GPATCH8: variants seen among roughly 807,000 people sequenced by gnomAD.
The protein encoded by GPATCH8 is G patch domain-containing protein 8.
GPATCH8 carries 18 observed loss-of-function variants against 118.3 expected under a neutral mutation model. That is an observed-to-expected ratio of 0.15 (90% CI 0.11 to 0.23). The LOEUF (loss-of-function observed/expected upper bound fraction) is 0.23, where lower values mean the gene tolerates loss of function less well. Among genes scored for constraint, GPATCH8 ranks in the 10% least tolerant of loss-of-function variants. GPATCH8 has a pLI of 1.00. For missense variants in GPATCH8, 1,631 were observed against 1,873.8 expected, an observed-to-expected ratio of 0.87 and a Z score of 2.39; for synonymous variants, 659 against 684.7, an observed-to-expected ratio of 0.96 and a Z score of 0.59.
intron 1 of GPATCH8, among the ~76,000 whole-genome samples, chr17:44,500,892 T>C (rs1218704634): frequency 6.6e-6 from 1 of 152,208 alleles, no homozygotes; most frequent in Non-Finnish European, 1.5e-5. Flanking sequence ...AGAATCCTAT[T>C]ACATTACATT....
At chr17:44,402,512 G>A (rs999119931) in intron 7 of GPATCH8, among the ~76,000 whole-genome samples, 2 of 151,780 alleles carry the variant, frequency 1.3e-5, no homozygotes, top group African/African-American at 2.4e-5. Flanking sequence ...GCTGGGTCAG[G>A]GTGGCTCACA....
At chr17:44,484,417 AC>A (rs1291986332) in intron 1 of GPATCH8, among the ~76,000 whole-genome samples, 9 of 152,216 alleles carry the variant, frequency 5.9e-5, no homozygotes, top group Non-Finnish European at 1.2e-4. Context: ...AAAGTAACAG[AC>A]CACCTAATTT....
intron 6 of GPATCH8, chr17:44,407,382 T>C (rs1001002497): frequency 6.6e-6 from 1 of 151,962 alleles, no homozygotes; most frequent in African/African-American, 2.4e-5. Flanking sequence ...TGTAAACTAT[T>C]ATACTGAACA....
At position 44,399,846 on chromosome 17, in the gene GPATCH8, G is replaced by C. The variant is rs2048942485; in HGVS notation, c.2231C>G (p.Pro744Arg). 1 of 1,613,876 alleles carries C rather than the reference G, an allele frequency of 6.2e-7. No individual in the cohort carries two copies. The highest frequency in any genetic ancestry group is 8.5e-7 in the Non-Finnish European group (1 of 1,179,964). The change falls in exon 8 of 8, where the codon CCA becomes CGA. Residue 744 changes from proline (P) to arginine (R), a missense_variant. By Grantham distance (103) the Pro-to-Arg change is moderately radical (BLOSUM62 -2). This residue lies in a region of GPATCH8 where 922 missense variants were observed against 879.7 expected (regional missense o/e 1.05). Transcript: ENST00000591680. ...ATCTTGAGCTCTCCGCCTTCTTCTT[G>C]GTGGTGCGGGACTGCCACTCCCAGG... ...EPPGSGSPAP[P>R]RRRRRAQDDS...
intron 1 of GPATCH8, among the ~76,000 whole-genome samples, chr17:44,499,850 A>T (rs1422832492): frequency 6.6e-6 from 1 of 152,054 alleles, no homozygotes; most frequent in East Asian, 1.9e-4. Context: ...CTCTTAAAAC[A>T]TTTGTAAAAA....
chr17:44,502,665 G>A (rs1970173848), intron 1 of GPATCH8, among the ~76,000 whole-genome samples: 1 of 152,164 alleles, frequency 6.6e-6, no homozygotes, highest in Admixed American at 6.6e-5. Context: ...TTCGAGATAG[G>A]ATTTGAGGTT....
At position 44,396,107 on chromosome 17, in the gene GPATCH8, C is replaced by T. The variant is rs1231336490; in HGVS notation, c.*1461G>A. Reference sequence around the variant, plus strand: ...AAGACTGTCCCAACTCATCCTCCAGCCTACTTCTACTTCCGTTTCTACCAA... The same window carrying T: ...AAGACTGTCCCAACTCATCCTCCAGTCTACTTCTACTTCCGTTTCTACCAA... On this transcript the variant is annotated 3_prime_UTR_variant, in exon 8 of 8. Coordinates refer to ENST00000591680, the MANE Select transcript of GPATCH8 (RefSeq NM_001002909.4). 1 of 454,440 alleles carries T rather than the reference C, an allele frequency of 2.2e-6. No homozygotes were observed. Among genetic ancestry groups the T allele is most frequent in the African/African-American group, 2.0e-5 (1 of 49,974 alleles). The allele number at this position is 454,440 out of a possible 1,614,324, so 28.2% of individuals were successfully genotyped here.
chr17:44,398,504 A>G lies in GPATCH8; in HGVS notation c.3573T>C (p.His1191=), dbSNP rs2048867754. The G allele has an allele frequency of 2.5e-6, 4 of 1,604,322 alleles. No individual in the cohort carries two copies. Among genetic ancestry groups the G allele is most frequent in the Admixed American group, 1.7e-5 (1 of 58,950 alleles). The stretch of plus-strand genomic sequence containing the variant: ...CAGTTGTTTCCTCTGAAGGGAACTG[A>G]TGCCCAAATAGGGCATCACTACTCC... The part of the protein sequence containing the change: ...PPGSSDALFG[H]QFPSEETTGP... The change falls in exon 8 of 8, where the codon CAT becomes CAC. Residue 1191 remains histidine (H), a synonymous_variant. Transcript: ENST00000591680.
intron 1 of GPATCH8, among the ~76,000 whole-genome samples, chr17:44,498,074 T>C (rs1480676927): frequency 1.3e-5 from 2 of 152,242 alleles, no homozygotes; most frequent in African/African-American, 4.8e-5. Flanking sequence ...TTATTACATA[T>C]GTATCTTGAA....
intron 7 of GPATCH8, among the ~76,000 whole-genome samples, chr17:44,404,730 T>C (rs920425570): frequency 6.6e-6 from 1 of 152,140 alleles, no homozygotes; most frequent in African/African-American, 2.4e-5. Context: ...TATATAGATA[T>C]GCTTTTAGTT....
At position 44,399,408 on chromosome 17, in the gene GPATCH8, G is replaced by A. The variant is rs773786717; in HGVS notation, c.2669C>T (p.Ser890Phe). Reference protein sequence around the residue: ...QSCYSRQRSYSDDSYSDYSDR... With the variant: ...QSCYSRQRSYFDDSYSDYSDR... ...ACTGTAGTCACTGTAGCTGTCATCA[G>A]AGTAACTGCGCTGTCTACTATAGCA... The change falls in exon 8 of 8, where the codon TCT becomes TTT. Residue 890 changes from serine (S) to phenylalanine (F), a missense_variant. By Grantham distance (155) the Ser-to-Phe change is radical. This residue lies in a region of GPATCH8 where 922 missense variants were observed against 879.7 expected (regional missense o/e 1.05). Transcript: ENST00000591680. 1 of 1,614,066 alleles carries A rather than the reference G, an allele frequency of 6.2e-7. No homozygotes were observed. Among genetic ancestry groups the A allele is most frequent in the South Asian group, 1.1e-5 (1 of 91,084 alleles).
At position 44,398,697 on chromosome 17, in the gene GPATCH8, G is replaced by C. The variant is rs765536195; in HGVS notation, c.3380C>G (p.Pro1127Arg). Reference protein sequence around the residue: ...NKAGPKLKDPPQGYFGPKLPP... With the variant: ...NKAGPKLKDPRQGYFGPKLPP... The stretch of plus-strand genomic sequence containing the variant: ...GAGCTTGGGCCCAAAGTAACCTTGT[G>C]GGGGGTCCTTGAGCTTGGGCCCAGC... The change falls in exon 8 of 8, where the codon CCA becomes CGA. Residue 1127 changes from proline to arginine, a missense_variant. Around this residue, in one of 8 missense-constraint regions of GPATCH8, gnomAD observed 922 missense variants for 879.7 expected, o/e 1.05. Coordinates refer to ENST00000591680, the MANE Select transcript of GPATCH8 (RefSeq NM_001002909.4). 30 of 1,593,026 alleles carry C rather than the reference G, an allele frequency of 1.9e-5. No homozygotes were observed. Among genetic ancestry groups the C allele is most frequent in the African/African-American group, 4.0e-5 (3 of 74,432 alleles).
intron 2 of GPATCH8, chr17:44,465,346 T>TCTC (rs2051721042): frequency 6.6e-6 from 1 of 152,084 alleles, no homozygotes. Flanking sequence ...ATACATAATG[T>TCTC]CTCATCTTCC....
intron 6 of GPATCH8, among the ~76,000 whole-genome samples, chr17:44,422,023 C>A (rs1026904529): frequency 1.3e-5 from 2 of 152,068 alleles, no homozygotes; most frequent in Non-Finnish European, 2.9e-5. Flanking sequence ...CTGCACCTGG[C>A]CTAACCTTTC....
intron 3 of GPATCH8, among the ~76,000 whole-genome samples, chr17:44,443,807 T>C: frequency 6.6e-6 from 1 of 152,192 alleles, no homozygotes; most frequent in Non-Finnish European, 1.5e-5. Flanking sequence ...AAGCTGGGAC[T>C]ACAGGTGCAC....
rs374117333 is a variant in GPATCH8, at chr17:44,399,993, G to A, written c.2084C>T (p.Thr695Ile). 2.5e-6 allele frequency: 4 copies of A among 1,613,862 alleles called. No individual in the cohort carries two copies. The African/African-American group carries it at 5.3e-5, about 22-fold the overall frequency. The change falls in exon 8 of 8, where the codon ACA becomes ATA. Residue 695 changes from threonine (T) to isoleucine (I), a missense_variant. Around this residue, in one of 8 missense-constraint regions of GPATCH8, gnomAD observed 922 missense variants for 879.7 expected, o/e 1.05. Coordinates refer to ENST00000591680, the MANE Select transcript of GPATCH8 (RefSeq NM_001002909.4). ...SKHKRKHKAD[T>I]EEKSSKAESG... is the part of the protein sequence containing the mutation. ...CTCTGCCTTAGAGCTTTTCTCTTCT[G>A]TGTCAGCCTTGTGTTTACGTTTGTG...
chr17:44,419,552 T>TA (rs1329602387), intron 6 of GPATCH8, among the ~76,000 whole-genome samples: 1 of 151,986 alleles, frequency 6.6e-6, no homozygotes, highest in Admixed American at 6.6e-5. Context: ...AGTGGCATGA[T>TA]CACAGCTTAT....
intron 3 of GPATCH8, among the ~76,000 whole-genome samples, chr17:44,444,624 T>G (rs1350065633): frequency 6.6e-6 from 1 of 152,008 alleles, no homozygotes; most frequent in Non-Finnish European, 1.5e-5. Flanking sequence ...AATACAAAAA[T>G]TAGCTGGGCG....
chr17:44,464,833 G>C (rs1007973834), intron 2 of GPATCH8: 1 of 388,582 alleles, frequency 2.6e-6, no homozygotes, highest in African/African-American at 2.1e-5. Context: ...AAAGGGAAAA[G>C]GGGAAGAATA....
Sources: gnomAD v4.1 joint callset for allele counts (sites outside exome capture counted in the v4.1 genomes callset) on GRCh38, gnomAD v4.1.1 for gene constraint, gnomAD v4.1.1 regional missense constraint, MANE v1.5 for transcripts, NCBI Gene and HGNC (gene_info 2026-07-23, HGNC 2026-07-21) for gene names.